AASS: variants seen among roughly 807,000 people sequenced by gnomAD.
The protein encoded by AASS is aminoadipate-semialdehyde synthase, also known as alpha-aminoadipic semialdehyde synthase, mitochondrial.
In AASS, 86 loss-of-function variants were observed where a neutral mutation model predicts 105.4. The ratio of observed to expected loss-of-function variants is 0.82; its 90% CI spans 0.69 to 0.98. The LOEUF (loss-of-function observed/expected upper bound fraction) is 0.98, where lower values mean the gene tolerates loss of function less well. Ranked by LOEUF, AASS falls within the 50% of genes least tolerant of loss-of-function variation. The pLI, the probability that AASS is intolerant of heterozygous loss-of-function variation, is 0.00. For synonymous variants in AASS, 381 were observed against 394.8 expected, an observed-to-expected ratio of 0.96 and a Z score of 0.41; for missense variants, 1,048 against 1,143.2, an observed-to-expected ratio of 0.92 and a Z score of 1.20.
intron 1 of AASS, among the ~76,000 whole-genome samples, chr7:122,134,354 A>C (rs1255009393): frequency 2.0e-5 from 3 of 152,176 alleles, no homozygotes; most frequent in African/African-American, 7.2e-5. Context: ...AGAAGCCTTA[A>C]TATCACATGA....
In AASS at chr7:122,074,874, T is replaced by C. The variant is rs1030253496; in HGVS notation, c.*1615A>G. 6.6e-6 allele frequency among the ~76,000 whole-genome samples: 1 copy of C among 152,248 alleles called. No homozygotes were observed. The highest frequency in any genetic ancestry group is 2.1e-4 in the South Asian group (1 of 4,826). On this transcript the variant is annotated 3_prime_UTR_variant, in exon 24 of 24. Coordinates refer to ENST00000417368, the MANE Select transcript of AASS (RefSeq NM_005763.4). ...ATTTTTTTCTTTTCTTTTTTGTTTT[T>C]TTTGAGTCAAGGTCTAACTCTGTCA...
chr7:122,082,913 G>C (rs1793437288), intron 19 of AASS: 1 of 1,218,104 alleles, frequency 8.2e-7, no homozygotes, highest in Non-Finnish European at 1.1e-6. Context: ...CAAATGGCTG[G>C]ATAAATAGAT....
At chr7:122,097,997 A>G (rs570213949) in intron 15 of AASS, among the ~76,000 whole-genome samples, 1 of 152,212 alleles carries the variant, frequency 6.6e-6, no homozygotes, top group Non-Finnish European at 1.5e-5. Flanking sequence ...GAAATACTAT[A>G]CAGCAATGAG....
chr7:122,138,515 T>G (rs559694523), intron 1 of AASS, among the ~76,000 whole-genome samples: 2 of 152,298 alleles, frequency 1.3e-5, no homozygotes, highest in East Asian at 3.9e-4. Context: ...TTAGTGTACT[T>G]TATTCACCTA....
intron 11 of AASS, among the ~76,000 whole-genome samples, chr7:122,110,835 G>A (rs918905899): frequency 6.6e-6 from 1 of 151,422 alleles, no homozygotes; most frequent in African/African-American, 2.4e-5. Context: ...AATAAATGTT[G>A]GTATATTTCT....
intron 13 of AASS, among the ~76,000 whole-genome samples, chr7:122,099,724 C>T (rs1794337522): frequency 6.6e-6 from 1 of 151,730 alleles, no homozygotes; most frequent in South Asian, 2.1e-4. Context: ...AATCTTTAGG[C>T]CATAATGTCT....
At chr7:122,141,658 CAAAAAAAAA>C (rs67469054) in intron 1 of AASS, among the ~76,000 whole-genome samples, 32,629 of 94,394 alleles carry the variant, frequency 0.35, 4,555 homozygotes, top group African/African-American at 0.44. Context: ...CCTAACCCTG[CAAAAAAAAA>C]AAAAAAAAAA....
At chr7:122,089,587 A>G (rs1793798660) in intron 18 of AASS, among the ~76,000 whole-genome samples, 1 of 152,198 alleles carries the variant, frequency 6.6e-6, no homozygotes, top group Admixed American at 6.5e-5. Flanking sequence ...TTCCTTATGT[A>G]GCTAATATTT....
chr7:122,113,357 A>T, intron 10 of AASS, 128 bp from the exon 11 acceptor site: 5 of 1,043,534 alleles, frequency 4.8e-6, no homozygotes, highest in Non-Finnish European at 7.1e-6. Flanking sequence ...TATACGCGAA[A>T]ATAAACAAAA....
chr7:122,110,093 G>T (rs1794862404), intron 11 of AASS, among the ~76,000 whole-genome samples: 1 of 151,860 alleles, frequency 6.6e-6, no homozygotes, highest in African/African-American at 2.4e-5. Flanking sequence ...GAAAAGAAAG[G>T]TTAACTAAGC....
Position 122,076,459 on chromosome 7 carries a change from G to A in AASS, c.*30C>T. ...ACACATGTTCAGAGGTGTATTGCCT[G>A]GGAAGAAAAAAACAAAATATAATTC... On this transcript the variant is annotated 3_prime_UTR_variant, in exon 24 of 24. Transcript: ENST00000417368. 6.8e-7 allele frequency: 1 copy of A among 1,469,072 alleles called. No homozygotes were observed. 91.0% of individuals were successfully genotyped at this position (1,469,072 alleles called of 1,614,324 possible).
intron 18 of AASS, among the ~76,000 whole-genome samples, 156 bp from the exon 19 acceptor site, chr7:122,086,335 A>C (rs1402420818): frequency 1.3e-5 from 2 of 152,144 alleles, no homozygotes; most frequent in Non-Finnish European, 2.9e-5. Context: ...AAGCTGTTCT[A>C]CTAATATCAT....
rs1029793951 is a variant in AASS at position 122,113,808 on chromosome 7, A to T, written c.1044-88T>A. 79 of 1,462,278 alleles carry T rather than the reference A, an allele frequency of 5.4e-5. No homozygotes were observed. The Admixed American group carries it at 1.2e-3, about 23-fold the overall frequency. 90.6% of individuals were successfully genotyped at this position (1,462,278 alleles called of 1,614,324 possible). On this transcript the variant is annotated intron_variant, in intron 9 of 23. Transcript: ENST00000417368. ...AAAAAAGGAGTTTGGAACAATTTTC[A>T]ATGTGGATCCCAAATATTTTCCAGG...
intron 18 of AASS, among the ~76,000 whole-genome samples, chr7:122,086,429 A>AT (rs966480681): frequency 6.6e-6 from 1 of 151,866 alleles, no homozygotes; most frequent in Admixed American, 6.6e-5. Context: ...CTTATTTTCA[A>AT]TTTTTTTCCT....
chr7:122,114,744 T>A lies in AASS; in HGVS notation c.1043+330A>T, dbSNP rs555852819. Among the ~76,000 whole-genome samples the A allele has an allele frequency of 1.6e-4, 25 of 152,206 alleles. 1 individual carries two copies. The East Asian group carries it at 4.1e-3, about 25-fold the overall frequency. On this transcript the variant is annotated intron_variant, in intron 9 of 23. Coordinates refer to ENST00000417368, the MANE Select transcript of AASS (RefSeq NM_005763.4). ...TCACAGAAGACAAAAGAAGAATGTT[T>A]CAAGAAGTGGAGGTGGGCTGGGCAT... is the stretch of plus-strand genomic sequence containing the variant.
intron 10 of AASS, 37 bp from the exon 11 acceptor site, chr7:122,113,266 A>G: frequency 6.4e-7 from 1 of 1,564,862 alleles, no homozygotes; most frequent in Non-Finnish European, 8.8e-7. Flanking sequence ...GAAGCACAAA[A>G]CATTATTTGT....
At chr7:122,092,787 CTGTACACAAGAATTTAGACATT>C in intron 17 of AASS, 34 bp downstream of exon 17, 1 of 1,384,224 alleles carries the variant, frequency 7.2e-7, no homozygotes, top group Admixed American at 1.7e-5. Context: ...TACTTTGATT[CTGTACACAAGAATTTAGACATT>C]TTAATGTTGC....
At chr7:122,082,698 TGAC>T in intron 19 of AASS, 1 of 651,964 alleles carries the variant, frequency 1.5e-6, no homozygotes, top group Non-Finnish European at 2.3e-6. Flanking sequence ...GCGTCACCAC[TGAC>T]GACTAAACTG....
chr7:122,077,238 GC>G (rs1793065002), intron 23 of AASS, among the ~76,000 whole-genome samples: 1 of 152,082 alleles, frequency 6.6e-6, no homozygotes, highest in African/African-American at 2.4e-5. Flanking sequence ...TCAAACAGAG[GC>G]AATGCTTATT....
Sources: gnomAD v4.1 joint callset for allele counts (sites outside exome capture counted in the v4.1 genomes callset) on GRCh38, gnomAD v4.1.1 for gene constraint, MANE v1.5 for transcripts, NCBI Gene and HGNC (gene_info 2026-07-23, HGNC 2026-07-21) for gene names.